Variants in PHF14 observed in about 807,000 individuals in gnomAD.
PHF14 encodes PHD finger protein 14.
In PHF14, 55 loss-of-function variants were observed where a neutral mutation model predicts 117.9. The ratio of observed to expected loss-of-function variants is 0.47; its 90% CI spans 0.38 to 0.58. The LOEUF is 0.58. Among genes scored for constraint, PHF14 ranks in the 20% least tolerant of loss-of-function variants. The pLI is 0.00. For missense variants in PHF14, 978 were observed against 1,122.2 expected (o/e 0.87, Z 1.84); for synonymous variants, 409 against 368.6 (o/e 1.11, Z -1.26).
chr7:11,111,583 C>G (rs1787448167), intron 17 of PHF14, 116 bp downstream of exon 17: 1 of 589,344 alleles, frequency 1.7e-6, no homozygotes, highest in African/African-American at 1.9e-5. Context: ...AACATTTTAA[C>G]CAGTACACCT....
chr7:11,037,999 A>C (rs1181656608), intron 10 of PHF14, among the ~76,000 whole-genome samples: 4 of 152,240 alleles, frequency 2.6e-5, no homozygotes, highest in African/African-American at 9.6e-5. Flanking sequence ...AAAAGAAGGT[A>C]TAAACGTAGT....
intron 17 of PHF14, among the ~76,000 whole-genome samples, chr7:11,157,910 C>G (rs1021527729): frequency 1.3e-5 from 2 of 152,094 alleles, no homozygotes; most frequent in African/African-American, 4.8e-5. Flanking sequence ...AAATGTACTT[C>G]TAAATCATCT....
chr7:11,141,870 G>A (rs1788409390), intron 17 of PHF14, among the ~76,000 whole-genome samples: 1 of 137,820 alleles, frequency 7.3e-6, no homozygotes, highest in Non-Finnish European at 1.6e-5. Context: ...TTTTCTTACT[G>A]TCTTATCTGT....
chr7:11,099,539 T>G (rs1293220754), intron 16 of PHF14, among the ~76,000 whole-genome samples: 2 of 152,114 alleles, frequency 1.3e-5, no homozygotes, highest in African/African-American at 4.8e-5. Flanking sequence ...ACTTTTATAT[T>G]TCTGTAAGAT....
At chr7:11,079,299 T>A (rs1485728248) in intron 16 of PHF14, among the ~76,000 whole-genome samples, 1 of 152,160 alleles carries the variant, frequency 6.6e-6, no homozygotes, top group Non-Finnish European at 1.5e-5. Context: ...CCATGGCATA[T>A]AAGCTGAGCG....
chr7:11,077,717 GGTT>G (rs1458389280), intron 16 of PHF14, among the ~76,000 whole-genome samples: 2 of 151,896 alleles, frequency 1.3e-5, no homozygotes, highest in Non-Finnish European at 2.9e-5. Flanking sequence ...TGAGCTTAGA[GGTT>G]GTTTTTATTA....
At chr7:11,016,415 C>G (rs1220584804) in intron 5 of PHF14, among the ~76,000 whole-genome samples, 3 of 151,768 alleles carry the variant, frequency 2.0e-5, no homozygotes, top group Non-Finnish European at 4.4e-5. Context: ...ATTAATTAGA[C>G]TTTTTTCCTT....
At chr7:11,138,672 A>G (rs564222210) in intron 17 of PHF14, among the ~76,000 whole-genome samples, 3 of 152,336 alleles carry the variant, frequency 2.0e-5, no homozygotes, top group South Asian at 4.1e-4. Context: ...TCTCACTTGC[A>G]TATCATTCGT....
In PHF14 at chr7:11,030,272, C is replaced by T. The variant is rs557565739; in HGVS notation, c.1455+1454C>T. On this transcript the variant is annotated intron_variant, in intron 7 of 17. Transcript: ENST00000634607. Reference sequence around the variant, plus strand: ...GGCAATACAGGTAAGAGTTAGAGGACCAGATAAATACTACGTAAATACTTG... The same window carrying T: ...GGCAATACAGGTAAGAGTTAGAGGATCAGATAAATACTACGTAAATACTTG... Among the ~76,000 whole-genome samples, 19 of 152,044 alleles carry T rather than the reference C, an allele frequency of 1.2e-4. No homozygotes were observed. In the East Asian group the frequency reaches 3.7e-3, roughly 29 times the overall value.
intron 4 of PHF14, among the ~76,000 whole-genome samples, chr7:10,995,915 A>C (rs1456990121): frequency 6.6e-6 from 1 of 151,490 alleles, no homozygotes. Flanking sequence ...CTCCCTCCAC[A>C]CCTCCCCGCA....
At position 11,034,989 on chromosome 7, in the gene PHF14, A is replaced by G. The variant is rs532955412; in HGVS notation, c.1456-651A>G. ...ACTTTAATATTTAATGATTATTTCT[A>G]CTTAAGATTATTAAAATCCTATTTG... is the stretch of plus-strand genomic sequence containing the variant. On this transcript the variant is annotated intron_variant, in intron 7 of 17. Transcript: ENST00000634607. Among the ~76,000 whole-genome samples the G allele has an allele frequency of 2.0e-5, 3 of 152,266 alleles. No homozygotes were observed. In the South Asian group the frequency reaches 6.2e-4, roughly 32 times the overall value.
intron 6 of PHF14, among the ~76,000 whole-genome samples, chr7:11,027,131 C>T (rs1055663018): frequency 6.6e-6 from 1 of 152,134 alleles, no homozygotes; most frequent in African/African-American, 2.4e-5. Flanking sequence ...ATCCCTTGCT[C>T]AATTTCAACA....
intron 17 of PHF14, among the ~76,000 whole-genome samples, chr7:11,161,499 T>G (rs1347683916): frequency 6.6e-6 from 1 of 151,916 alleles, no homozygotes; most frequent in African/African-American, 2.4e-5. Context: ...TCTGAAAATT[T>G]TAATGGGCCA....
intron 10 of PHF14, among the ~76,000 whole-genome samples, chr7:11,037,801 CTG>C (rs1352239095): frequency 1.3e-5 from 2 of 152,106 alleles, no homozygotes; most frequent in Non-Finnish European, 2.9e-5. Flanking sequence ...ATCAGCTACA[CTG>C]TGTAGTAAAA....
At chr7:11,040,398 G>A (rs921318592) in intron 11 of PHF14, among the ~76,000 whole-genome samples, 1 of 151,938 alleles carries the variant, frequency 6.6e-6, no homozygotes, top group South Asian at 2.1e-4. Context: ...TCCTACGTAT[G>A]TGTCTTTGTC....
intron 16 of PHF14, chr7:11,062,998 C>G (rs1461248329): frequency 2.4e-6 from 2 of 818,714 alleles, no homozygotes; most frequent in African/African-American, 3.7e-5. Context: ...ATTGATAAAA[C>G]AAATATATTA....
intron 13 of PHF14, among the ~76,000 whole-genome samples, chr7:11,046,607 T>C (rs1017187893): frequency 1.3e-5 from 2 of 151,354 alleles, no homozygotes; most frequent in African/African-American, 4.9e-5. Flanking sequence ...ACATTTACTG[T>C]ATATGAAATA....
At chr7:11,040,988 G>C (rs954582651) in intron 12 of PHF14, among the ~76,000 whole-genome samples, 1 of 151,980 alleles carries the variant, frequency 6.6e-6, no homozygotes, top group Non-Finnish European at 1.5e-5. Context: ...ATGGAAATGA[G>C]CAGTACCCTT....
intron 16 of PHF14, chr7:11,107,835 A>G (rs190487897): frequency 5.2e-6 from 3 of 572,250 alleles, no homozygotes; most frequent in Non-Finnish European, 6.6e-6. Context: ...GTCCTATATT[A>G]TGTGCTGCAT....
Sources: gnomAD v4.1 joint callset for allele counts (sites outside exome capture counted in the v4.1 genomes callset) on GRCh38, gnomAD v4.1.1 for gene constraint, MANE v1.5 for transcripts, NCBI Gene and HGNC (gene_info 2026-07-23, HGNC 2026-07-21) for gene names.